The following POLR3E variants were observed in gnomAD, a reference collection of about 807,000 sequenced individuals.
The protein encoded by POLR3E is DNA-directed RNA polymerase III subunit RPC5.
A neutral mutation model predicts 96.6 loss-of-function variants in POLR3E; 41 were observed. That is an observed-to-expected ratio of 0.42 (90% CI 0.33 to 0.55). The LOEUF (loss-of-function observed/expected upper bound fraction) is 0.55. POLR3E is among the 20% of genes least tolerant of loss of function. POLR3E has a pLI of 0.06. For synonymous variants in POLR3E, 396 were observed against 383.6 expected (o/e 1.03, Z -0.38); for missense variants, 849 against 952.1 (o/e 0.89, Z 1.43).
chr16:22,306,505 G>A (rs148604838), intron 3 of POLR3E, among the ~76,000 whole-genome samples: 14 of 152,198 alleles, frequency 9.2e-5, no homozygotes, highest in African/African-American at 1.7e-4. Context: ...TGCCTGCCTC[G>A]GCCTCCCATA....
rs769772978 is a variant in POLR3E at position 22,314,066 on chromosome 16, G to C, written c.473-13G>C. On this transcript the variant is annotated splice_polypyrimidine_tract_variant and intron_variant, in intron 7 of 20. Transcript: ENST00000299853. ...TCCCCAGGACTGCAGTCAGTGGCTT[G>C]TCTCTCTTGCAGCAGGGGACTCTTC... 1 of 1,608,566 alleles carries C rather than the reference G, an allele frequency of 6.2e-7. No homozygotes were observed. Among genetic ancestry groups the C allele is most frequent in the Non-Finnish European group, 8.5e-7 (1 of 1,177,764 alleles).
rs893582578 is a variant in POLR3E at position 22,314,195 on chromosome 16, A to G, written c.522+67A>G. ...GCAGCAGGACCAGAGACCAAGGGGT[A>G]GCGGGTCTTCACAGAATGCAGGTGG... On this transcript the variant is annotated intron_variant, in intron 8 of 20. Coordinates refer to ENST00000299853, the MANE Select transcript of POLR3E (RefSeq NM_018119.4). 31 of 1,293,414 alleles carry G rather than the reference A, an allele frequency of 2.4e-5. No homozygotes were observed. The African/African-American group carries it at 3.6e-4, about 15-fold the overall frequency. 80.1% of individuals were successfully genotyped at this position (1,293,414 alleles called of 1,614,324 possible). A position where few individuals can be genotyped will look rare whatever the true frequency, so the allele number is the denominator to read the frequency against.
At chr16:22,299,105 C>CT (rs2047967450) in intron 1 of POLR3E, 3 of 452,034 alleles carry the variant, frequency 6.6e-6, no homozygotes. Flanking sequence ...TGGGAGGAGG[C>CT]TGGGGGAGGC....
intron 19 of POLR3E, chr16:22,331,744 G>A (rs2048745208): frequency 1.5e-5 from 3 of 203,416 alleles, no homozygotes; most frequent in Non-Finnish European, 2.0e-5. Context: ...TTACCATGCA[G>A]AAATATGTTC....
At chr16:22,299,872 A>T (rs1019878128) in intron 1 of POLR3E, among the ~76,000 whole-genome samples, 2 of 147,384 alleles carry the variant, frequency 1.4e-5, no homozygotes, top group Non-Finnish European at 3.0e-5. Flanking sequence ...CCAGGCTAAA[A>T]TTTTTTTTTA....
chr16:22,332,303 C>T (rs2048757636), intron 20 of POLR3E, 118 bp downstream of exon 20: 1 of 870,968 alleles, frequency 1.1e-6, no homozygotes, highest in Non-Finnish European at 1.8e-6. Flanking sequence ...GGACCACTCC[C>T]CAGTCAGTCT....
chr16:22,314,796 C>T (rs1427106872), intron 8 of POLR3E: 2 of 244,878 alleles, frequency 8.2e-6, no homozygotes, highest in African/African-American at 2.2e-5. Flanking sequence ...TTAGAAAAGG[C>T]ATCCTGGGCC....
At chr16:22,333,557 CATAA>C in intron 20 of POLR3E, 83 bp from the exon 21 acceptor site, 1 of 918,696 alleles carries the variant, frequency 1.1e-6, no homozygotes, top group South Asian at 1.3e-5. Context: ...ATTCACTAAT[CATAA>C]ATCGAGTGTT....
chr16:22,298,440 T>TA (rs2047943219), intron 1 of POLR3E, among the ~76,000 whole-genome samples: 2 of 152,150 alleles, frequency 1.3e-5, no homozygotes, highest in Non-Finnish European at 2.9e-5. Context: ...CTGTCCTTAC[T>TA]CCTTCCCCGC....
At chr16:22,315,454 C>T (rs2048334274) in intron 9 of POLR3E, among the ~76,000 whole-genome samples, 1 of 152,142 alleles carries the variant, frequency 6.6e-6, no homozygotes, top group Non-Finnish European at 1.5e-5. Flanking sequence ...TGGGCATGGG[C>T]ATCTTGCTGG....
In POLR3E at chr16:22,317,104, G is replaced by A. The variant is rs747356072; in HGVS notation, c.774-11G>A. The A allele has an allele frequency of 2.2e-5, 35 of 1,614,092 alleles. No homozygotes were observed. The highest frequency in any genetic ancestry group is 5.0e-5 in the Admixed American group (3 of 60,028). ...TGGCTGCCTCTAACCCGTCCCCTCT[G>A]CTTTTCCCAGAGACAAGCCTGTGGC... On this transcript the variant is annotated splice_polypyrimidine_tract_variant and intron_variant, in intron 11 of 20. Coordinates refer to ENST00000299853, the MANE Select transcript of POLR3E (RefSeq NM_018119.4).
rs749868645 is a variant in POLR3E, at chr16:22,308,189, G to T, written c.129G>T (p.Pro43=). The T allele has an allele frequency of 1.9e-6, 3 of 1,613,554 alleles. No homozygotes were observed. Among genetic ancestry groups the T allele is most frequent in the African/African-American group, 2.7e-5 (2 of 74,892 alleles). Residue 43 remains proline (P), a synonymous_variant, in exon 4 of 21, where the codon CCG becomes CCT. Transcript: ENST00000299853. ...RPASMTYDDI[P]HLSAKIKPKQ... is the part of the protein sequence containing the mutation. The stretch of plus-strand genomic sequence containing the variant: ...CCTCGATGACCTACGATGACATTCC[G>T]CACCTCTCAGCCAAGATCAAGCCCA...
chr16:22,331,969 A>G, intron 19 of POLR3E, 91 bp from the exon 20 acceptor site: 1 of 1,360,612 alleles, frequency 7.3e-7, no homozygotes. Context: ...ACTGCAACAC[A>G]AAGTCAGGTG....
At position 22,318,577 on chromosome 16, in the gene POLR3E, T is replaced by C. The variant is rs1054624147; in HGVS notation, c.866-249T>C. ...GGTCTGAGTAGTAATAGACCCTTCC[T>C]CCTGAGGCACCCCTCAAGTCTTCCT... On this transcript the variant is annotated intron_variant, in intron 12 of 20. Coordinates refer to ENST00000299853, the MANE Select transcript of POLR3E (RefSeq NM_018119.4). The surrounding 1 kb of genome is among the most constrained non-coding windows in gnomAD (Gnocchi z 5.0). 6.6e-6 allele frequency among the ~76,000 whole-genome samples: 1 copy of C among 152,178 alleles called. No homozygotes were observed. The highest frequency in any genetic ancestry group is 1.5e-5 in the Non-Finnish European group (1 of 68,020).
intron 18 of POLR3E, chr16:22,327,263 C>T (rs1330569348): frequency 2.0e-5 from 3 of 152,276 alleles, no homozygotes; most frequent in African/African-American, 7.2e-5. Context: ...GACAGGAGGC[C>T]TTGTGGAGCC....
Position 22,315,080 on chromosome 16 carries a change from C to T in POLR3E, c.523-9C>T. ...CTGACGGTATGACCTCTTCCCCTTC[C>T]CACCGCAGGTGCGGTTCTCCCGGCC... On this transcript the variant is annotated splice_polypyrimidine_tract_variant and intron_variant, in intron 8 of 20. Coordinates refer to ENST00000299853, the MANE Select transcript of POLR3E (RefSeq NM_018119.4). 1 of 1,612,684 alleles carries T rather than the reference C, an allele frequency of 6.2e-7. No homozygotes were observed. Among genetic ancestry groups the T allele is most frequent in the East Asian group, 2.2e-5 (1 of 44,864 alleles).
At chr16:22,314,908 G>C (rs150212385) in intron 8 of POLR3E, 181 bp from the exon 9 acceptor site, 2 of 569,660 alleles carry the variant, frequency 3.5e-6, no homozygotes, top group African/African-American at 1.9e-5. Context: ...GTTCCCTGGC[G>C]TGTGCAGGCA....
In POLR3E at chr16:22,334,495, G is replaced by C. The variant is rs1416108292; in HGVS notation, c.*795G>C. 1 of 152,184 alleles carries C rather than the reference G, an allele frequency of 6.6e-6. No homozygotes were observed. Among genetic ancestry groups the C allele is most frequent in the South Asian group, 2.1e-4 (1 of 4,828 alleles). The allele number at this position is 152,184 out of a possible 1,614,324, so 9.4% of individuals were successfully genotyped here. A position where few individuals can be genotyped will look rare whatever the true frequency, so the allele number is the denominator to read the frequency against. On this transcript the variant is annotated 3_prime_UTR_variant, in exon 21 of 21. Coordinates refer to ENST00000299853, the MANE Select transcript of POLR3E (RefSeq NM_018119.4). ...CAGGAAGGCGATCTTGTTGGGCTCA[G>C]CGTTACGTGTATCTAGAGGGAACGG...
intron 14 of POLR3E, 96 bp from the exon 15 acceptor site, chr16:22,324,258 C>A: frequency 1.0e-6 from 1 of 970,392 alleles, no homozygotes. Context: ...AGGACTGTCC[C>A]AGGCTCCAGC....
Sources: allele counts gnomAD v4.1 joint callset (sites outside exome capture counted in the v4.1 genomes callset), GRCh38; gene constraint gnomAD v4.1.1; non-coding constraint Gnocchi (gnomAD v3.1); transcripts MANE v1.5; gene names NCBI Gene and HGNC (gene_info 2026-07-23, HGNC 2026-07-21).